The following ATG16L1 variants were observed in gnomAD, a reference collection of about 807,000 sequenced individuals.
ATG16L1 encodes autophagy-related protein 16-1.
ATG16L1 carries 37 observed loss-of-function variants against 88.5 expected under a neutral mutation model. That is an observed-to-expected ratio of 0.42 (90% CI 0.32 to 0.55). The LOEUF (loss-of-function observed/expected upper bound fraction) is 0.55. ATG16L1 is among the 20% of genes least tolerant of loss of function. The pLI is 0.13. For missense variants in ATG16L1, 554 were observed against 752.8 expected (o/e 0.74, Z 3.09); for synonymous variants, 301 against 281.0 (o/e 1.07, Z -0.71).
Position 233,294,981 on chromosome 2 carries a change from A to G in ATG16L1, c.*631A>G, listed in dbSNP as rs1699711562. 1 of 152,430 alleles carries G rather than the reference A, an allele frequency of 6.6e-6. No homozygotes were observed. The highest frequency in any genetic ancestry group is 1.9e-4 in the East Asian group (1 of 5,332). The allele number at this position is 152,430 out of a possible 1,614,324, so 9.4% of individuals were successfully genotyped here. Reference sequence around the variant, plus strand: ...AAAAATCTCCGTGTGGCTTTAAAAAATGGTTTTTTGTTTTTTTGTTTTTTT... The same window carrying G: ...AAAAATCTCCGTGTGGCTTTAAAAAGTGGTTTTTTGTTTTTTTGTTTTTTT... On this transcript the variant is annotated 3_prime_UTR_variant, in exon 18 of 18. Transcript: ENST00000392017.
At chr2:233,258,193 G>C in intron 2 of ATG16L1, among the ~76,000 whole-genome samples, 1 of 152,086 alleles carries the variant, frequency 6.6e-6, no homozygotes, top group East Asian at 1.9e-4. Context: ...CATTGTGTTT[G>C]CATGTTAAAT....
intron 7 of ATG16L1, 57 bp from the exon 8 acceptor site, chr2:233,273,664 T>C (rs1244802491): frequency 3.2e-6 from 5 of 1,539,248 alleles, no homozygotes; most frequent in Non-Finnish European, 4.5e-6. Context: ...TGTTTATTGA[T>C]TGATTATTTG....
At chr2:233,290,648 AC>A (rs1699397119) in intron 14 of ATG16L1, among the ~76,000 whole-genome samples, 1 of 17,998 alleles carries the variant, frequency 5.6e-5, no homozygotes, top group African/African-American at 2.3e-4. Context: ...GGAAGGCAGA[AC>A]GCAAAAGTCA....
intron 9 of ATG16L1, among the ~76,000 whole-genome samples, chr2:233,275,203 G>A (rs1001099583): frequency 6.6e-6 from 1 of 152,200 alleles, no homozygotes; most frequent in African/African-American, 2.4e-5. Context: ...CCAGCCATTA[G>A]GGGTCTATGA....
chr2:233,283,480 T>A lies in ATG16L1; in HGVS notation c.1203+727T>A, dbSNP rs750726794. On this transcript the variant is annotated intron_variant, in intron 12 of 17. Transcript: ENST00000392017. ...ACTAAAAAAAAAAAAAATTTTTTTTTAAAAAGTTAACACAAGCCGTTTGTG... is the reference window on the plus strand; with the variant it reads ...ACTAAAAAAAAAAAAAATTTTTTTTAAAAAAGTTAACACAAGCCGTTTGTG... 2.2e-4 allele frequency among the ~76,000 whole-genome samples: 34 copies of A among 152,012 alleles called. No individual in the cohort carries two copies. In the South Asian group the frequency reaches 2.3e-3, roughly 10 times the overall value.
At chr2:233,259,511 A>G (rs192182758) in intron 2 of ATG16L1, among the ~76,000 whole-genome samples, 3 of 152,286 alleles carry the variant, frequency 2.0e-5, no homozygotes, top group Admixed American at 6.5e-5. Flanking sequence ...TAAGGAAGCT[A>G]TTGGGAGTTT....
intron 1 of ATG16L1, among the ~76,000 whole-genome samples, chr2:233,253,335 T>TG (rs1696527493): frequency 7.7e-6 from 1 of 129,960 alleles, no homozygotes; most frequent in African/African-American, 2.9e-5. Context: ...AGACTGGGTT[T>TG]TTTTGTTTTT....
At chr2:233,292,011 C>G (rs1328751369) in intron 14 of ATG16L1, 117 bp from the exon 15 acceptor site, 9 of 1,217,140 alleles carry the variant, frequency 7.4e-6, no homozygotes, top group Non-Finnish European at 1.0e-5. Flanking sequence ...AACACATTGA[C>G]TGCGCTGGCA....
Position 233,263,981 on chromosome 2 carries a change from T to G in ATG16L1, c.316-11T>G. The G allele has an allele frequency of 6.2e-7, 1 of 1,613,424 alleles. No individual in the cohort carries two copies. Among genetic ancestry groups the G allele is most frequent in the Non-Finnish European group, 8.5e-7 (1 of 1,179,556 alleles). ...TTTTTATTTATGAAAGTATTCTTCT[T>G]TATCTCCCAGTTAGCTCAACTGGTG... On this transcript the variant is annotated splice_polypyrimidine_tract_variant and intron_variant, in intron 3 of 17. Coordinates refer to ENST00000392017, the MANE Select transcript of ATG16L1 (RefSeq NM_030803.7).
intron 9 of ATG16L1, chr2:233,275,282 G>T: frequency 4.6e-6 from 1 of 215,420 alleles, no homozygotes; most frequent in Non-Finnish European, 9.5e-6. Context: ...TCAGAGCTGG[G>T]TCCTAGTACT....
At position 233,256,163 on chromosome 2, in the gene ATG16L1, A is replaced by G; in HGVS notation, c.177A>G (p.Glu59=). 1 of 1,614,164 alleles carries G rather than the reference A, an allele frequency of 6.2e-7. No individual in the cohort carries two copies. The highest frequency in any genetic ancestry group is 8.5e-7 in the Non-Finnish European group (1 of 1,180,008). The change falls in exon 2 of 18, where the codon GAA becomes GAG. Residue 59 remains glutamate, a synonymous_variant. Transcript: ENST00000392017. The stretch of plus-strand genomic sequence containing the variant: ...TGTTGGCCCAGAAACTACAGGCTGA[A>G]AAGCATGACGTACCAAACAGGCACG... ...HSVLAQKLQA[E]KHDVPNRHEI... is the part of the protein sequence containing the mutation.
chr2:233,287,723 C>T (rs746598094), intron 12 of ATG16L1, among the ~76,000 whole-genome samples: 20 of 152,214 alleles, frequency 1.3e-4, no homozygotes, highest in Admixed American at 3.9e-4. Flanking sequence ...ACTAAAAATA[C>T]AAAAATTAGC....
At chr2:233,259,036 G>C (rs977944462) in intron 2 of ATG16L1, among the ~76,000 whole-genome samples, 3 of 152,084 alleles carry the variant, frequency 2.0e-5, no homozygotes, top group African/African-American at 4.8e-5. Flanking sequence ...TTATAAACCA[G>C]GTTCATTCAG....
intron 10 of ATG16L1, among the ~76,000 whole-genome samples, chr2:233,278,187 G>A (rs1698499431): frequency 6.6e-6 from 1 of 152,172 alleles, no homozygotes; most frequent in African/African-American, 2.4e-5. Flanking sequence ...TATCAGACGA[G>A]GGCCCTTAGA....
chr2:233,279,132 C>T (rs902988326), intron 10 of ATG16L1, among the ~76,000 whole-genome samples: 11 of 152,124 alleles, frequency 7.2e-5, no homozygotes, highest in Admixed American at 2.0e-4. Context: ...GAGCTCTGAT[C>T]GCATCACTGC....
intron 11 of ATG16L1, 144 bp from the exon 12 acceptor site, chr2:233,282,538 A>C (rs1263367646): frequency 2.8e-6 from 2 of 705,712 alleles, no homozygotes; most frequent in East Asian, 2.6e-5. Flanking sequence ...AAGCACACTC[A>C]CGACAGTAGC....
rs375377588 is a variant in ATG16L1 at position 233,251,811 on chromosome 2, C to T, written c.-17C>T. 5 of 1,548,122 alleles carry T rather than the reference C, an allele frequency of 3.2e-6. No individual in the cohort carries two copies. Among genetic ancestry groups the T allele is most frequent in the African/African-American group, 1.4e-5 (1 of 72,978 alleles). On this transcript the variant is annotated 5_prime_UTR_variant, in exon 1 of 18. Transcript: ENST00000392017. ...CGCTCGCATTGGTGGCGCTGAGGTGCCGGGGCAGCAAGTGACATGTCGTCG... is the reference window on the plus strand; with the variant it reads ...CGCTCGCATTGGTGGCGCTGAGGTGTCGGGGCAGCAAGTGACATGTCGTCG...
chr2:233,272,414 A>G (rs1698057052), intron 6 of ATG16L1, among the ~76,000 whole-genome samples: 1 of 152,194 alleles, frequency 6.6e-6, no homozygotes, highest in Non-Finnish European at 1.5e-5. Flanking sequence ...TTGCTTTTCT[A>G]TTTTTTAAAG....
Position 233,256,210 on chromosome 2 carries a change from A to G in ATG16L1, c.209+15A>G. 2 of 1,603,222 alleles carry G rather than the reference A, an allele frequency of 1.2e-6. No homozygotes were observed. Among genetic ancestry groups the G allele is most frequent in the South Asian group, 2.2e-5 (2 of 90,508 alleles). Reference sequence around the variant, plus strand: ...CACGAGATAAGGTATTTTGAAACTAACTTGTATTATTTATGTCTCCTCTAA... The same window carrying G: ...CACGAGATAAGGTATTTTGAAACTAGCTTGTATTATTTATGTCTCCTCTAA... On this transcript the variant is annotated intron_variant, in intron 2 of 17. Transcript: ENST00000392017.
Sources: allele counts gnomAD v4.1 joint callset (sites outside exome capture counted in the v4.1 genomes callset), GRCh38; gene constraint gnomAD v4.1.1; transcripts MANE v1.5; gene names NCBI Gene and HGNC (gene_info 2026-07-23, HGNC 2026-07-21).